Variants in ZC3H12C observed in about 807,000 individuals in gnomAD.
The protein encoded by ZC3H12C is probable ribonuclease ZC3H12C.
ZC3H12C carries 20 observed loss-of-function variants against 76.3 expected under a neutral mutation model. The observed-to-expected ratio is 0.26, with a 90% CI of 0.18 to 0.38. The LOEUF is 0.38. Among genes scored for constraint, ZC3H12C ranks in the 10% least tolerant of loss-of-function variants. ZC3H12C has a pLI of 1.00. For synonymous variants in ZC3H12C, 352 were observed against 399.6 expected (o/e 0.88, Z 1.42); for missense variants, 874 against 1,086.5 (o/e 0.80, Z 2.75).
Position 110,136,813 on chromosome 11 carries a change from G to T in ZC3H12C, c.172G>T (p.Val58Leu). The T allele has an allele frequency of 6.2e-7, 1 of 1,613,924 alleles. No homozygotes were observed. Among genetic ancestry groups the T allele is most frequent in the Non-Finnish European group, 8.5e-7 (1 of 1,179,880 alleles). The change falls in exon 2 of 6, where the codon GTA becomes TTA. Residue 58 changes from valine to leucine, a missense_variant. Around this residue, in one of 3 missense-constraint regions of ZC3H12C, gnomAD observed 210 missense variants for 227.1 expected, o/e 0.92. Transcript: ENST00000278590. ...CACTGACCCACAGTTAAGTCCAGCTGTACCTTGGTCAACAGTAGAAAACCC... is the reference window on the plus strand; with the variant it reads ...CACTGACCCACAGTTAAGTCCAGCTTTACCTTGGTCAACAGTAGAAAACCC... ...ESTDPQLSPA[V>L]PWSTVENPSM...
chr11:110,117,733 TACACACAC>T (rs1484743359), intron 1 of ZC3H12C, among the ~76,000 whole-genome samples: 1 of 66,198 alleles, frequency 1.5e-5, no homozygotes, highest in Non-Finnish European at 3.0e-5. Flanking sequence ...CATATATATA[TACACACAC>T]ATATATATAT....
chr11:110,164,392 G>T lies in ZC3H12C; in HGVS notation c.1307G>T (p.Gly436Val). Residue 436 changes from glycine (G) to valine (V), a missense_variant, in exon 6 of 6, where the codon GGC (glycine) becomes GTC (valine). Gly to Val is a moderately radical substitution (Grantham distance 109). Around this residue, in one of 3 missense-constraint regions of ZC3H12C, gnomAD observed 269 missense variants for 424.9 expected, o/e 0.63. Transcript: ENST00000278590. The surrounding 1 kb of genome is among the most constrained non-coding windows in gnomAD (Gnocchi z 5.7). ...TGCAAATATTACCATCCCGAAAGGG[G>T]CAGTCAGCCACAGCGGTCAGTGGCT... ...HKCKYYHPER[G>V]SQPQRSVADE... 6.2e-7 allele frequency: 1 copy of T among 1,613,890 alleles called. No homozygotes were observed. The highest frequency in any genetic ancestry group is 8.5e-7 in the Non-Finnish European group (1 of 1,179,872).
chr11:110,155,882 A>T (rs1487960561), intron 3 of ZC3H12C, among the ~76,000 whole-genome samples: 1 of 151,920 alleles, frequency 6.6e-6, no homozygotes, highest in African/African-American at 2.4e-5. Flanking sequence ...TCTACAGGGA[A>T]CTTAACAATA....
intron 4 of ZC3H12C, among the ~76,000 whole-genome samples, chr11:110,161,759 A>C (rs1249447642): frequency 6.6e-6 from 1 of 152,214 alleles, no homozygotes; most frequent in Non-Finnish European, 1.5e-5. Context: ...AGGGCAACTA[A>C]ATGTACAATA....
In ZC3H12C at chr11:110,165,059, G is replaced by A; in HGVS notation, c.1974G>A (p.Glu658=). 6.2e-7 allele frequency: 1 copy of A among 1,613,796 alleles called. No homozygotes were observed. The highest frequency in any genetic ancestry group is 8.5e-7 in the Non-Finnish European group (1 of 1,179,894). ...YVSSPDPQLE[E]NLKCQHMHPH... The stretch of plus-strand genomic sequence containing the variant: ...GCTCCCCCGACCCACAGCTAGAGGA[G>A]AATTTGAAGTGTCAACACATGCACC... The change falls in exon 6 of 6, where the codon GAG becomes GAA. Residue 658 remains glutamate, a synonymous_variant. Coordinates refer to ENST00000278590, the MANE Select transcript of ZC3H12C (RefSeq NM_033390.2).
intron 3 of ZC3H12C, among the ~76,000 whole-genome samples, chr11:110,156,536 C>T (rs944863533): frequency 6.6e-6 from 1 of 152,182 alleles, no homozygotes; most frequent in Non-Finnish European, 1.5e-5. Context: ...GACTGTGAGG[C>T]CACCGAACTT....
At chr11:110,095,380 C>G (rs1157187045) in intron 1 of ZC3H12C, among the ~76,000 whole-genome samples, 1 of 152,152 alleles carries the variant, frequency 6.6e-6, no homozygotes, top group East Asian at 1.9e-4. Flanking sequence ...AAAAATGTTG[C>G]TGTTATAACT....
At chr11:110,095,499 T>A (rs538811249) in intron 1 of ZC3H12C, among the ~76,000 whole-genome samples, 1 of 152,242 alleles carries the variant, frequency 6.6e-6, no homozygotes. Flanking sequence ...TGTTTTTATC[T>A]TTTTACTGTT....
intron 2 of ZC3H12C, among the ~76,000 whole-genome samples, chr11:110,150,157 G>T (rs600421): frequency 0.69 from 104,703 of 151,922 alleles, 36,863 homozygotes; most frequent in South Asian, 0.79. Context: ...GCTGGCCTTT[G>T]GTTTTTCCAT....
In ZC3H12C at chr11:110,150,038, T is replaced by C. The variant is rs550160755; in HGVS notation, c.774-2881T>C. On this transcript the variant is annotated intron_variant, in intron 2 of 5. Transcript: ENST00000278590. ...ATCAACAATTTATTTTTGTATATGA[T>C]GTGAGATTAAAATGCAGTTTTATTT... Among the ~76,000 whole-genome samples the C allele has an allele frequency of 1.7e-3, 264 of 152,274 alleles. 1 individual carries two copies. The highest frequency in any genetic ancestry group is 6.0e-3 in the African/African-American group (250 of 41,588).
Position 110,102,839 on chromosome 11 carries a change from G to C in ZC3H12C, c.21+9407G>C, listed in dbSNP as rs556699141. 2.4e-4 allele frequency among the ~76,000 whole-genome samples: 37 copies of C among 152,292 alleles called. No homozygotes were observed. The South Asian group carries it at 3.7e-3, about 15-fold the overall frequency. On this transcript the variant is annotated intron_variant, in intron 1 of 5. Transcript: ENST00000278590. ...TCAGCAGCCATCAACATTGAGGCAAGACCTTTCACCAGCAAAAGGAATATG... is the reference window on the plus strand; with the variant it reads ...TCAGCAGCCATCAACATTGAGGCAACACCTTTCACCAGCAAAAGGAATATG...
At chr11:110,126,216 C>CTTTTT (rs56199067) in intron 1 of ZC3H12C, among the ~76,000 whole-genome samples, 5 of 86,242 alleles carry the variant, frequency 5.8e-5, no homozygotes, top group Admixed American at 1.3e-4. Context: ...TTGTTTTCTT[C>CTTTTT]TTTTTTTTTT....
chr11:110,137,263 G>A lies in ZC3H12C; in HGVS notation c.622G>A (p.Ala208Thr). 6.2e-7 allele frequency: 1 copy of A among 1,613,918 alleles called. No individual in the cohort carries two copies. Reference protein sequence around the residue: ...ELVKLGNKSEADQTVSTINTI... With the variant: ...ELVKLGNKSETDQTVSTINTI... ...TGTCAAACTTGGAAATAAAAGTGAG[G>A]CTGATCAAACGGTTAGTACAATTAA... Residue 208 changes from alanine (A) to threonine (T), a missense_variant, in exon 2 of 6, where the codon GCT becomes ACT. Around this residue, in one of 3 missense-constraint regions of ZC3H12C, gnomAD observed 269 missense variants for 424.9 expected, o/e 0.63. Coordinates refer to ENST00000278590, the MANE Select transcript of ZC3H12C (RefSeq NM_033390.2).
intron 1 of ZC3H12C, among the ~76,000 whole-genome samples, chr11:110,117,573 A>G (rs191016268): frequency 1.2e-3 from 186 of 150,098 alleles, no homozygotes; most frequent in African/African-American, 4.4e-3. Context: ...AAACAACCAT[A>G]TTTTATCCTT....
intron 1 of ZC3H12C, among the ~76,000 whole-genome samples, chr11:110,093,789 G>T (rs1294137358): frequency 1.3e-5 from 2 of 152,102 alleles, no homozygotes; most frequent in Non-Finnish European, 2.9e-5. Flanking sequence ...GCGGGCTCGG[G>T]CGCCGCGGAT....
chr11:110,105,166 A>G (rs1174722102), intron 1 of ZC3H12C, among the ~76,000 whole-genome samples: 1 of 152,136 alleles, frequency 6.6e-6, no homozygotes, highest in African/African-American at 2.4e-5. Context: ...TTATGCACTC[A>G]CAGGGAACAG....
rs750958682 is a variant in ZC3H12C, at chr11:110,164,581, T to C, written c.1496T>C (p.Val499Ala). The C allele has an allele frequency of 1.2e-6, 2 of 1,613,936 alleles. No homozygotes were observed. Among genetic ancestry groups the C allele is most frequent in the Non-Finnish European group, 1.7e-6 (2 of 1,179,872 alleles). Reference sequence around the variant, plus strand: ...TCAGATCCAAGCATAAGGACACAAGTCTACCAAGACCTAGAAGAAAAGCTT... The same window carrying C: ...TCAGATCCAAGCATAAGGACACAAGCCTACCAAGACCTAGAAGAAAAGCTT... ...RQSDPSIRTQ[V>A]YQDLEEKLPT... Residue 499 changes from valine to alanine, a missense_variant, in exon 6 of 6, where the codon GTC becomes GCC. Physicochemically the swap from Val to Ala is moderately conservative, Grantham distance 64. Around this residue, in one of 3 missense-constraint regions of ZC3H12C, gnomAD observed 269 missense variants for 424.9 expected, o/e 0.63. Coordinates refer to ENST00000278590, the MANE Select transcript of ZC3H12C (RefSeq NM_033390.2). The surrounding 1 kb of genome is among the most constrained non-coding windows in gnomAD (Gnocchi z 5.7).
At chr11:110,143,493 T>C (rs968933685) in intron 2 of ZC3H12C, among the ~76,000 whole-genome samples, 5 of 151,682 alleles carry the variant, frequency 3.3e-5, no homozygotes, top group African/African-American at 1.2e-4. Context: ...CTGGACTTTA[T>C]ATTAATAATT....
chr11:110,155,165 T>C lies in ZC3H12C; in HGVS notation c.913+2107T>C, dbSNP rs372369496. On this transcript the variant is annotated intron_variant, in intron 3 of 5. Transcript: ENST00000278590. ...TTAGCTGGGCCTGGTGGCGGGCACCTGTAATCCCAGCTATTAGGGAGGCTG... is the reference window on the plus strand; with the variant it reads ...TTAGCTGGGCCTGGTGGCGGGCACCCGTAATCCCAGCTATTAGGGAGGCTG... Among the ~76,000 whole-genome samples the C allele has an allele frequency of 3.0e-4, 46 of 152,174 alleles. 1 individual carries two copies. In the South Asian group the frequency reaches 4.8e-3, roughly 16 times the overall value.
Sources: allele counts gnomAD v4.1 joint callset (sites outside exome capture counted in the v4.1 genomes callset), GRCh38; gene constraint gnomAD v4.1.1; regional missense constraint gnomAD v4.1.1; non-coding constraint Gnocchi (gnomAD v3.1); transcripts MANE v1.5; gene names NCBI Gene and HGNC (gene_info 2026-07-23, HGNC 2026-07-21).